Variants in MARK4 observed in about 807,000 individuals in gnomAD.
MARK4 encodes microtubule affinity regulating kinase 4.
MARK4 carries 19 observed loss-of-function variants against 81.5 expected under a neutral mutation model. That is an observed-to-expected ratio of 0.23 (90% CI 0.16 to 0.34). The LOEUF is 0.34. Ranked by LOEUF, MARK4 falls within the 10% of genes least tolerant of loss-of-function variation. MARK4 has a pLI of 1.00. For missense variants in MARK4, 772 were observed against 1,058.8 expected (o/e 0.73, Z 3.76); for synonymous variants, 436 against 439.0 (o/e 0.99, Z 0.08).
chr19:45,261,952 A>G (rs898486105), intron 2 of MARK4, among the ~76,000 whole-genome samples: 10 of 151,874 alleles, frequency 6.6e-5, no homozygotes, highest in Non-Finnish European at 8.8e-5. Flanking sequence ...AAAAAGTTTC[A>G]CTGCAAAAGA....
At chr19:45,260,961 G>C (rs1396795869) in intron 2 of MARK4, among the ~76,000 whole-genome samples, 1 of 152,114 alleles carries the variant, frequency 6.6e-6, no homozygotes, top group African/African-American at 2.4e-5. Context: ...CTAGATATGA[G>C]GTCTCTAACT....
rs563798703 is a variant in MARK4, at chr19:45,271,112, G to A, written c.550-360G>A. Reference sequence around the variant, plus strand: ...GTAGAGATGGGGATTCACCATGTTGGCCAGGCCGATCTTGAACTCCTGACC... The same window carrying A: ...GTAGAGATGGGGATTCACCATGTTGACCAGGCCGATCTTGAACTCCTGACC... On this transcript the variant is annotated intron_variant, in intron 7 of 16. Transcript: ENST00000262891. This position sits in a 1 kb window ranked among gnomAD's most constrained non-coding sequence, Gnocchi z 4.1. 2.6e-5 allele frequency among the ~76,000 whole-genome samples: 4 copies of A among 152,202 alleles called. No individual in the cohort carries two copies. In the East Asian group the frequency reaches 7.7e-4, roughly 29 times the overall value.
At position 45,301,676 on chromosome 19, in the gene MARK4, C is replaced by G. The variant is rs376340341; in HGVS notation, c.1923-698C>G. On this transcript the variant is annotated intron_variant, in intron 16 of 16. Coordinates refer to ENST00000262891, the MANE Select transcript of MARK4 (RefSeq NM_001199867.2). ...GAGATCGAGACCATCCTGGCTGACA[C>G]GGTGAAACCGTGTCTCTACTAAAAA... Among the ~76,000 whole-genome samples, 15 of 150,786 alleles carry G rather than the reference C, an allele frequency of 9.9e-5. No individual in the cohort carries two copies. The South Asian group carries it at 2.9e-3, about 30-fold the overall frequency.
At chr19:45,263,463 C>G (rs1158455154) in intron 4 of MARK4, 96 bp downstream of exon 4, 4 of 1,496,714 alleles carry the variant, frequency 2.7e-6, no homozygotes, top group Non-Finnish European at 3.7e-6. Flanking sequence ...GGAGACCCAC[C>G]AGGCGCAGTG....
chr19:45,258,251 C>A (rs1179426732), intron 1 of MARK4, among the ~76,000 whole-genome samples: 2 of 152,172 alleles, frequency 1.3e-5, no homozygotes, highest in Non-Finnish European at 2.9e-5. Flanking sequence ...TCCCAAAGTG[C>A]TGGGATTACA....
At chr19:45,296,586 A>T (rs1172620210) in intron 14 of MARK4, among the ~76,000 whole-genome samples, 2 of 152,240 alleles carry the variant, frequency 1.3e-5, no homozygotes, top group African/African-American at 4.8e-5. Flanking sequence ...AGAGTCTGGG[A>T]AATGTAGTCT....
chr19:45,259,343 T>G (rs987996586), intron 2 of MARK4, among the ~76,000 whole-genome samples, 154 bp downstream of exon 2: 5 of 152,206 alleles, frequency 3.3e-5, no homozygotes, highest in Admixed American at 6.5e-5. Context: ...ATCTCTGATG[T>G]TCCCAGAACC....
rs1971019199 is a variant in MARK4, at chr19:45,304,244, G to A, written c.*1534G>A. On this transcript the variant is annotated 3_prime_UTR_variant, in exon 17 of 17. Transcript: ENST00000262891. ...GAAGTTTCTATCCCTCCAGCTTTCT[G>A]CAGCAGAAAGACCCTCATTGTCAGT... is the stretch of plus-strand genomic sequence containing the variant. 6.6e-6 allele frequency: 1 copy of A among 152,202 alleles called. No homozygotes were observed. The highest frequency in any genetic ancestry group is 2.4e-5 in the African/African-American group (1 of 41,446). 9.4% of individuals were successfully genotyped at this position (152,202 alleles called of 1,614,324 possible). A position where few individuals can be genotyped will look rare whatever the true frequency, so the allele number is the denominator to read the frequency against.
At chr19:45,289,379 C>CT (rs1970791961) in intron 13 of MARK4, among the ~76,000 whole-genome samples, 1 of 90,258 alleles carries the variant, frequency 1.1e-5, no homozygotes, top group Non-Finnish European at 2.0e-5. Flanking sequence ...GAGCAAGACT[C>CT]TGTTTCAAAA....
chr19:45,283,207 C>T (rs62118534), intron 12 of MARK4, among the ~76,000 whole-genome samples: 27,127 of 151,692 alleles, frequency 0.18, 3,063 homozygotes, highest in Non-Finnish European at 0.26. Context: ...CGCAGGAGTT[C>T]GAGACCACTG....
At chr19:45,263,199 C>G (rs1970402679) in intron 3 of MARK4, 33 bp downstream of exon 3, 1 of 1,612,592 alleles carries the variant, frequency 6.2e-7, no homozygotes, top group African/African-American at 1.3e-5. Flanking sequence ...GAGCAGGAGC[C>G]AGGCTTCCGG....
intron 1 of MARK4, among the ~76,000 whole-genome samples, chr19:45,253,588 G>A (rs1213315131): frequency 6.6e-6 from 1 of 152,196 alleles, no homozygotes; most frequent in Non-Finnish European, 1.5e-5. Context: ...CAGACAGCCC[G>A]TGGATTCTCA....
intron 13 of MARK4, among the ~76,000 whole-genome samples, chr19:45,289,385 C>CAAAAA (rs35129419): frequency 5.8e-5 from 3 of 51,510 alleles, no homozygotes; most frequent in Non-Finnish European, 7.1e-5. Flanking sequence ...GACTCTGTTT[C>CAAAAA]AAAAAAAAAA....
At chr19:45,270,979 A>T (rs771881163) in intron 7 of MARK4, among the ~76,000 whole-genome samples, 44 of 152,248 alleles carry the variant, frequency 2.9e-4, no homozygotes, top group Non-Finnish European at 5.7e-4. Context: ...CATGTTGGTC[A>T]GGCTGGTCTT....
At chr19:45,277,459 A>C (rs1970612974) in intron 8 of MARK4, among the ~76,000 whole-genome samples, 1 of 139,910 alleles carries the variant, frequency 7.1e-6, no homozygotes, top group African/African-American at 2.7e-5. Context: ...TTTTGTAGAG[A>C]CAGGCTGGTT....
At chr19:45,277,826 TGTGTGTGTG>T in intron 8 of MARK4, 88 bp from the exon 9 acceptor site, 2 of 114,140 alleles carry the variant, frequency 1.8e-5, no homozygotes. Context: ...ACAAAGGTTG[TGTGTGTGTG>T]TGTGTGTGTG....
chr19:45,271,328 A>G lies in MARK4; in HGVS notation c.550-144A>G, dbSNP rs151290541. ...GCTCAGTGAGGTAAAGTTACTACCT[A>G]AGGTCAGGTAGAGAGTAAAGGACAG... is the stretch of plus-strand genomic sequence containing the variant. On this transcript the variant is annotated intron_variant, in intron 7 of 16. Transcript: ENST00000262891. This position sits in a 1 kb window ranked among gnomAD's most constrained non-coding sequence, Gnocchi z 4.1. 1.0e-3 allele frequency: 736 copies of G among 736,140 alleles called. 3 individuals are homozygous for G. The African/African-American group carries it at 0.012, about 12-fold the overall frequency. 45.6% of individuals were successfully genotyped at this position (736,140 alleles called of 1,614,324 possible). A position where few individuals can be genotyped will look rare whatever the true frequency, so the allele number is the denominator to read the frequency against.
rs1446115066 is a variant in MARK4 at position 45,304,099 on chromosome 19, CA to C, written c.*1390del. ...TTAATAGTCCAGGGGCACCTGGCTTCAGGTAGGTTTGATCCAGGCATCAGGC... is the reference window on the plus strand; with the variant it reads ...TTAATAGTCCAGGGGCACCTGGCTTCGGTAGGTTTGATCCAGGCATCAGGC... On this transcript the variant is annotated 3_prime_UTR_variant, in exon 17 of 17. Coordinates refer to ENST00000262891, the MANE Select transcript of MARK4 (RefSeq NM_001199867.2). 6.6e-6 allele frequency: 1 copy of C among 152,270 alleles called. No homozygotes were observed. The highest frequency in any genetic ancestry group is 2.4e-5 in the African/African-American group (1 of 41,472). The allele number at this position is 152,270 out of a possible 1,614,324, so 9.4% of individuals were successfully genotyped here.
chr19:45,287,466 C>T lies in MARK4; in HGVS notation c.1296C>T (p.Pro432=). 3 of 1,472,608 alleles carry T rather than the reference C, an allele frequency of 2.0e-6. No homozygotes were observed. The highest frequency in any genetic ancestry group is 1.4e-5 in the South Asian group (1 of 72,434). The allele number at this position is 1,472,608 out of a possible 1,614,324, so 91.2% of individuals were successfully genotyped here. A position where few individuals can be genotyped will look rare whatever the true frequency, so the allele number is the denominator to read the frequency against. The change falls in exon 13 of 17, where the codon CCC becomes CCT. Residue 432 remains proline, a synonymous_variant. Coordinates refer to ENST00000262891, the MANE Select transcript of MARK4 (RefSeq NM_001199867.2). ...HSDFCGPSPA[P]LHPKRSPTST... ...CCCCAGGTGGCCCATCCCCTGCACC[C>T]CTGCACCCCAAACGCAGCCCGACGA...
Sources: gnomAD v4.1 joint callset for allele counts (sites outside exome capture counted in the v4.1 genomes callset) on GRCh38, gnomAD v4.1.1 for gene constraint, Gnocchi (gnomAD v3.1) non-coding constraint, MANE v1.5 for transcripts, NCBI Gene and HGNC (gene_info 2026-07-23, HGNC 2026-07-21) for gene names.